Variants in FOXO1 observed in about 807,000 individuals in gnomAD.
FOXO1 encodes the protein forkhead box O1.
Under a neutral mutation model 44.1 loss-of-function variants are expected in FOXO1, and 6 were observed. The ratio of observed to expected loss-of-function variants is 0.14; its 90% confidence interval spans 0.07 to 0.27. The LOEUF (loss-of-function observed/expected upper bound fraction) is 0.27, where lower values mean the gene tolerates loss of function less well. Among genes scored for constraint, FOXO1 ranks in the 10% least tolerant of loss-of-function variants. The pLI is 1.00. For missense variants in FOXO1, 737 were observed against 888.8 expected, an observed-to-expected ratio of 0.83 and a Z score of 2.17; for synonymous variants, 380 against 362.7, an observed-to-expected ratio of 1.05 and a Z score of -0.54.
intron 1 of FOXO1, among the ~76,000 whole-genome samples, chr13:40,635,040 T>C (rs1490151948): frequency 6.6e-6 from 1 of 152,134 alleles, no homozygotes; most frequent in Non-Finnish European, 1.5e-5. Flanking sequence ...CATCATTCAT[T>C]AAAATCTAAA....
intron 1 of FOXO1, among the ~76,000 whole-genome samples, chr13:40,646,544 T>A (rs1413106601): frequency 6.6e-6 from 1 of 152,160 alleles, no homozygotes; most frequent in African/African-American, 2.4e-5. Flanking sequence ...CCAATTTCCC[T>A]CCGCTTCATC....
At chr13:40,623,748 T>C (rs919724594) in intron 1 of FOXO1, among the ~76,000 whole-genome samples, 16 of 152,082 alleles carry the variant, frequency 1.1e-4, no homozygotes, top group Admixed American at 3.3e-4. Context: ...AAGAAGGACA[T>C]TGATAAATCA....
intron 1 of FOXO1, among the ~76,000 whole-genome samples, chr13:40,572,297 TAAG>T (rs1874557732): frequency 6.6e-6 from 1 of 152,230 alleles, no homozygotes; most frequent in Non-Finnish European, 1.5e-5. Flanking sequence ...GTCTGTTTAC[TAAG>T]AATTCTTAGT....
intron 1 of FOXO1, among the ~76,000 whole-genome samples, chr13:40,563,714 T>A (rs1205593596): frequency 6.6e-6 from 1 of 151,962 alleles, no homozygotes; most frequent in Admixed American, 6.6e-5. Flanking sequence ...TTCCCTCCCA[T>A]CCTATTGCAT....
At chr13:40,569,476 T>C (rs1435139312) in intron 1 of FOXO1, among the ~76,000 whole-genome samples, 1 of 152,230 alleles carries the variant, frequency 6.6e-6, no homozygotes, top group Non-Finnish European at 1.5e-5. Flanking sequence ...ACAACAATTT[T>C]TTAAGCCATT....
chr13:40,644,897 T>G (rs1332723712), intron 1 of FOXO1, among the ~76,000 whole-genome samples: 1 of 152,180 alleles, frequency 6.6e-6, no homozygotes, highest in African/African-American at 2.4e-5. Context: ...CCAACACTAC[T>G]CATCTCAAAG....
chr13:40,559,428 T>C, intron 2 of FOXO1, 81 bp downstream of exon 2: 1 of 1,283,570 alleles, frequency 7.8e-7, no homozygotes, highest in Admixed American at 2.3e-5. Flanking sequence ...ATCAAAGATG[T>C]GCTAACCATG....
chr13:40,565,879 A>G (rs1874250226), intron 1 of FOXO1, among the ~76,000 whole-genome samples: 1 of 152,192 alleles, frequency 6.6e-6, no homozygotes, highest in Admixed American at 6.5e-5. Context: ...CACACACTGC[A>G]CTGCTCTCAC....
At chr13:40,633,231 G>A (rs1877034945) in intron 1 of FOXO1, among the ~76,000 whole-genome samples, 1 of 152,132 alleles carries the variant, frequency 6.6e-6, no homozygotes, top group Admixed American at 6.5e-5. Context: ...AGTTCTTATG[G>A]CCCAAGCCAT....
intron 1 of FOXO1, among the ~76,000 whole-genome samples, chr13:40,640,832 G>T (rs538417520): frequency 6.6e-6 from 1 of 152,122 alleles, no homozygotes; most frequent in South Asian, 2.1e-4. Context: ...TTCCCAGGCT[G>T]GAGTGCAATG....
Position 40,556,365 on chromosome 13 carries a change from T to C in FOXO1, c.*2684A>G, listed in dbSNP as rs796812663. ...ACATCTATTACCTAAATATATTCCA[T>C]ACGTCTATATTACGGAAACAATACA... On this transcript the variant is annotated 3_prime_UTR_variant, in exon 3 of 3. Transcript: ENST00000379561. 6.5e-5 allele frequency: 10 copies of C among 152,780 alleles called. No individual in the cohort carries two copies. The highest frequency in any genetic ancestry group is 2.2e-4 in the African/African-American group (9 of 41,570). 9.5% of individuals were successfully genotyped at this position (152,780 alleles called of 1,614,324 possible).
chr13:40,570,326 TA>T (rs1397353886), intron 1 of FOXO1, among the ~76,000 whole-genome samples: 7 of 149,500 alleles, frequency 4.7e-5, no homozygotes, highest in Admixed American at 1.3e-4. Flanking sequence ...AAAAATAAAA[TA>T]AAATAAAAAA....
At chr13:40,571,858 A>G (rs995001562) in intron 1 of FOXO1, among the ~76,000 whole-genome samples, 4 of 152,224 alleles carry the variant, frequency 2.6e-5, no homozygotes, top group Non-Finnish European at 5.9e-5. Context: ...CTACCAGAAG[A>G]CTAAGGCACA....
At chr13:40,619,442 A>G in intron 1 of FOXO1, 3 of 1,180,932 alleles carry the variant, frequency 2.5e-6, no homozygotes, top group Non-Finnish European at 3.8e-6. Context: ...AATGGGAATC[A>G]AAATTGGAGA....
At chr13:40,633,502 CAAA>C (rs1015013058) in intron 1 of FOXO1, among the ~76,000 whole-genome samples, 10 of 152,034 alleles carry the variant, frequency 6.6e-5, no homozygotes, top group African/African-American at 2.4e-4. Context: ...TATGCTAAGT[CAAA>C]GAAGCCAGTC....
chr13:40,569,751 T>C (rs2137835435), intron 1 of FOXO1, among the ~76,000 whole-genome samples: 1 of 152,296 alleles, frequency 6.6e-6, no homozygotes, highest in Middle Eastern at 3.4e-3. Flanking sequence ...ATACAGCAGT[T>C]GTCTGATAAT....
rs933487619 is a variant in FOXO1, at chr13:40,665,955, C to T, written c.258G>A (p.Ala86=). ...CCACCGCCGCCGCCACGGAGCCGGG[C>T]GCCTGCGGGAAGTCCTCGCTCTCCT... ...LLEESEDFPQ[A]PGSVAAAVAA... Residue 86 remains alanine, a synonymous_variant, in exon 1 of 3, where the codon GCG becomes GCA. Transcript: ENST00000379561. 2.3e-5 allele frequency: 28 copies of T among 1,227,558 alleles called. No homozygotes were observed. Among genetic ancestry groups the T allele is most frequent in the Non-Finnish European group, 2.4e-5 (24 of 988,020 alleles). The allele number at this position is 1,227,558 out of a possible 1,614,324, so 76.0% of individuals were successfully genotyped here.
At chr13:40,606,657 T>C (rs1345968936) in intron 1 of FOXO1, among the ~76,000 whole-genome samples, 4 of 152,110 alleles carry the variant, frequency 2.6e-5, no homozygotes, top group East Asian at 3.9e-4. Flanking sequence ...TTATTTTCTA[T>C]GGTGGGGCTG....
chr13:40,574,555 G>A (rs1874670353), intron 1 of FOXO1, among the ~76,000 whole-genome samples: 1 of 152,166 alleles, frequency 6.6e-6, no homozygotes, highest in South Asian at 2.1e-4. Flanking sequence ...AGAAATTATT[G>A]GCTCTACTGT....
Sources: allele counts gnomAD v4.1 joint callset (sites outside exome capture counted in the v4.1 genomes callset), GRCh38; gene constraint gnomAD v4.1.1; transcripts MANE v1.5; gene names NCBI Gene and HGNC (gene_info 2026-07-23, HGNC 2026-07-21).